Variants in DTL observed in about 807,000 individuals in gnomAD.
The protein encoded by DTL is denticleless protein homolog.
A neutral mutation model predicts 87.0 loss-of-function variants in DTL; 46 were observed. The observed-to-expected ratio is 0.53, with a 90% confidence interval of 0.42 to 0.68. The LOEUF (loss-of-function observed/expected upper bound fraction) is 0.68. Ranked by LOEUF, DTL falls within the 30% of genes least tolerant of loss-of-function variation. The pLI, the probability that DTL is intolerant of heterozygous loss-of-function variation, is 0.00. For synonymous variants in DTL, 308 were observed against 311.2 expected, an observed-to-expected ratio of 0.99 and a Z score of 0.11; for missense variants, 737 against 869.4, an observed-to-expected ratio of 0.85 and a Z score of 1.91.
intron 1 of DTL, 24 bp downstream of exon 1, chr1:212,035,966 C>G: frequency 1.2e-6 from 2 of 1,612,908 alleles, no homozygotes; most frequent in Non-Finnish European, 1.7e-6. Context: ...CCAACCGCTG[C>G]TCGGAGCTGG....
intron 2 of DTL, among the ~76,000 whole-genome samples, chr1:212,043,772 G>T (rs889616222): frequency 6.7e-6 from 1 of 150,198 alleles, no homozygotes; most frequent in African/African-American, 2.5e-5. Context: ...AGAGGTTGCA[G>T]TGAGCCAAGA....
At position 212,044,564 on chromosome 1, in the gene DTL, T is replaced by C. The variant is rs116700216; in HGVS notation, c.179-96T>C. Reference sequence around the variant, plus strand: ...GGTTGCAGTGAGCCAAACTGCACTATTGCACTCCAGTCTGGGTGACAGAGC... The same window carrying C: ...GGTTGCAGTGAGCCAAACTGCACTACTGCACTCCAGTCTGGGTGACAGAGC... On this transcript the variant is annotated intron_variant, in intron 2 of 14. Transcript: ENST00000366991. 8.0e-3 allele frequency: 5,640 copies of C among 702,920 alleles called. 41 individuals carry two copies. Among genetic ancestry groups the C allele is most frequent in the Non-Finnish European group, 0.011 (4,674 of 414,018 alleles). 43.5% of individuals were successfully genotyped at this position (702,920 alleles called of 1,614,324 possible).
At chr1:212,065,553 C>T (rs1480124651) in intron 7 of DTL, among the ~76,000 whole-genome samples, 2 of 152,034 alleles carry the variant, frequency 1.3e-5, no homozygotes, top group South Asian at 2.1e-4. Flanking sequence ...CACACACAGA[C>T]ACAAACACAC....
At position 212,080,763 on chromosome 1, in the gene DTL, T is replaced by A; in HGVS notation, c.1261+13T>A. On this transcript the variant is annotated intron_variant, in intron 13 of 14. Coordinates refer to ENST00000366991, the MANE Select transcript of DTL (RefSeq NM_016448.4). ...AGACCTGGCCTAGGTAAGGATATCA[T>A]ATACTTTCCAAGTTTTTTATGGTTT... The A allele has an allele frequency of 6.2e-7, 1 of 1,611,958 alleles. No homozygotes were observed. The highest frequency in any genetic ancestry group is 8.5e-7 in the Non-Finnish European group (1 of 1,178,940).
intron 11 of DTL, 139 bp downstream of exon 11, chr1:212,072,352 G>A (rs1404034989): frequency 3.0e-6 from 2 of 667,156 alleles, no homozygotes; most frequent in East Asian, 5.5e-5. Context: ...GTTGCTCTTG[G>A]CTCTTAATAT....
chr1:212,047,526 A>T, intron 5 of DTL, 109 bp downstream of exon 5: 1 of 1,373,506 alleles, frequency 7.3e-7, no homozygotes, highest in Non-Finnish European at 1.0e-6. Context: ...TGCTTTACCT[A>T]CATAGATGAT....
At chr1:212,042,185 G>T (rs558919908) in intron 1 of DTL, among the ~76,000 whole-genome samples, 2 of 151,042 alleles carry the variant, frequency 1.3e-5, no homozygotes, top group Non-Finnish European at 3.0e-5. Context: ...AAAATGTCTT[G>T]ATCACAAATC....
chr1:212,064,921 G>A lies in DTL; in HGVS notation c.531G>A (p.Gly177=), dbSNP rs777451533. Reference sequence around the variant, plus strand: ...TTTCCTTGGAATATCTTTCAGATGGGTTTTATAGGCAAGTGAATCAAATCA... The same window carrying A: ...TTTCCTTGGAATATCTTTCAGATGGATTTTATAGGCAAGTGAATCAAATCA... ...VWDTRCNKKD[G]FYRQVNQISG... Residue 177 remains glycine, a synonymous_variant, in exon 7 of 15, where the codon GGG becomes GGA. Coordinates refer to ENST00000366991, the MANE Select transcript of DTL (RefSeq NM_016448.4). 1.9e-6 allele frequency: 3 copies of A among 1,613,560 alleles called. No homozygotes were observed. In the South Asian group the frequency reaches 3.3e-5, roughly 18 times the overall value.
Position 212,035,839 on chromosome 1 carries a change from T to G in DTL, c.-52T>G. On this transcript the variant is annotated 5_prime_UTR_variant, in exon 1 of 15. Transcript: ENST00000366991. ...CGCAAGCTGCGATTTCTGCTGAACT[T>G]GGAGGCATTTCTACGACTTTTCTCT... 6.4e-7 allele frequency: 1 copy of G among 1,573,926 alleles called. No homozygotes were observed. Among genetic ancestry groups the G allele is most frequent in the Non-Finnish European group, 8.7e-7 (1 of 1,143,780 alleles).
At chr1:212,074,766 T>C (rs1444122011) in intron 11 of DTL, among the ~76,000 whole-genome samples, 1 of 151,950 alleles carries the variant, frequency 6.6e-6, no homozygotes, top group Non-Finnish European at 1.5e-5. Flanking sequence ...GTATTAGAAT[T>C]TTTTCTATGC....
chr1:212,057,319 A>G (rs780287805), intron 5 of DTL, among the ~76,000 whole-genome samples: 39 of 151,644 alleles, frequency 2.6e-4, no homozygotes, highest in Non-Finnish European at 3.7e-4. Context: ...GAAATCTTAT[A>G]GTTCAGGAGA....
intron 14 of DTL, among the ~76,000 whole-genome samples, chr1:212,102,629 T>C (rs1655656259): frequency 6.6e-6 from 1 of 152,060 alleles, no homozygotes; most frequent in African/African-American, 2.4e-5. Flanking sequence ...ACATAAGAAG[T>C]CTATGCCTTC....
At chr1:212,076,252 G>T (rs1364003605) in intron 11 of DTL, among the ~76,000 whole-genome samples, 1 of 152,114 alleles carries the variant, frequency 6.6e-6, no homozygotes, top group Non-Finnish European at 1.5e-5. Context: ...GAATAGAATT[G>T]CTGGGTCATA....
At chr1:212,068,178 G>T in intron 8 of DTL, 46 bp from the exon 9 acceptor site, 2 of 1,273,366 alleles carry the variant, frequency 1.6e-6, no homozygotes, top group South Asian at 2.6e-5. Flanking sequence ...AAGTTGTTTG[G>T]GGTTGGAAGA....
At chr1:212,081,307 C>T (rs1654984114) in intron 13 of DTL, among the ~76,000 whole-genome samples, 1 of 152,094 alleles carries the variant, frequency 6.6e-6, no homozygotes, top group Admixed American at 6.5e-5. Context: ...GATAAAAGTA[C>T]ACAGGCCCTA....
At chr1:212,090,081 A>G (rs1232662943) in intron 13 of DTL, among the ~76,000 whole-genome samples, 2 of 152,218 alleles carry the variant, frequency 1.3e-5, no homozygotes, top group African/African-American at 4.8e-5. Flanking sequence ...TTAGTGTGAG[A>G]ACCATAACCA....
rs1655581942 is a variant in DTL at position 212,100,386 on chromosome 1, A to G, written c.1396A>G (p.Thr466Ala). 2 of 1,613,664 alleles carry G rather than the reference A, an allele frequency of 1.2e-6. No individual in the cohort carries two copies. Among genetic ancestry groups the G allele is most frequent in the African/African-American group, 1.3e-5 (1 of 74,864 alleles). The change falls in exon 14 of 15, where the codon ACG (threonine) becomes GCG (alanine). Residue 466 changes from threonine to alanine, a missense_variant. Coordinates refer to ENST00000366991, the MANE Select transcript of DTL (RefSeq NM_016448.4). ...CCTCCCTCTTCCTTCAAATACTCCTACGTTCTCTATTAAAACCTCTCCTGC... is the reference window on the plus strand; with the variant it reads ...CCTCCCTCTTCCTTCAAATACTCCTGCGTTCTCTATTAAAACCTCTCCTGC... Reference protein sequence around the residue: ...GDLPLPSNTPTFSIKTSPAKA... With the variant: ...GDLPLPSNTPAFSIKTSPAKA...
intron 13 of DTL, among the ~76,000 whole-genome samples, chr1:212,089,590 T>C (rs895109491): frequency 6.6e-6 from 1 of 152,248 alleles, no homozygotes; most frequent in Admixed American, 6.5e-5. Flanking sequence ...TTTTTTACCA[T>C]TAACTTTCAT....
intron 13 of DTL, among the ~76,000 whole-genome samples, chr1:212,081,728 A>G (rs1020005988): frequency 1.3e-5 from 2 of 152,224 alleles, no homozygotes; most frequent in African/African-American, 2.4e-5. Flanking sequence ...ATGTGGGGCT[A>G]TATGGGAGAG....
Sources: gnomAD v4.1 joint callset for allele counts (sites outside exome capture counted in the v4.1 genomes callset) on GRCh38, gnomAD v4.1.1 for gene constraint, MANE v1.5 for transcripts, NCBI Gene and HGNC (gene_info 2026-07-23, HGNC 2026-07-21) for gene names.